RYR3: variants seen among roughly 807,000 people sequenced by gnomAD.
RYR3 encodes the protein brain ryanodine receptor-calcium release channel.
In RYR3, 207 loss-of-function variants were observed where a neutral mutation model predicts 584.3. The ratio of observed to expected loss-of-function variants is 0.35; its 90% CI spans 0.32 to 0.40. The LOEUF (loss-of-function observed/expected upper bound fraction) is 0.40. RYR3 is among the 10% of genes least tolerant of loss of function. RYR3 has a pLI of 1.00. For synonymous variants in RYR3, 2,416 were observed against 2,248.5 expected (o/e 1.07, Z -2.11); for missense variants, 5,616 against 6,089.2 (o/e 0.92, Z 2.59).
Position 33,473,406 on chromosome 15 carries a change from C to T in RYR3, c.52-13C>T. Reference sequence around the variant, plus strand: ...TCCCCTTACTCATGTTTGGGTCTCTCTTCTCCTGGCAGGAGGATGAAGTGG... The same window carrying T: ...TCCCCTTACTCATGTTTGGGTCTCTTTTCTCCTGGCAGGAGGATGAAGTGG... On this transcript the variant is annotated splice_polypyrimidine_tract_variant and intron_variant, in intron 1 of 103. Transcript: ENST00000634891. The T allele has an allele frequency of 6.2e-7, 1 of 1,613,404 alleles. No individual in the cohort carries two copies. The highest frequency in any genetic ancestry group is 8.5e-7 in the Non-Finnish European group (1 of 1,179,870).
chr15:33,416,374 T>C (rs370758825), intron 1 of RYR3, among the ~76,000 whole-genome samples: 1 of 152,242 alleles, frequency 6.6e-6, no homozygotes, highest in South Asian at 2.1e-4. Flanking sequence ...TGTTATTTTT[T>C]GACTTTTTAA....
rs16971229 is a variant in RYR3 at position 33,462,509 on chromosome 15, A to T, written c.52-10910A>T. ...CCCTCAGGATAAGTATTGTTAGAAG[A>T]TCTTGCTAAAAGTAGATGGGTTGTC... On this transcript the variant is annotated intron_variant, in intron 1 of 103. Coordinates refer to ENST00000634891, the MANE Select transcript of RYR3 (RefSeq NM_001036.6). 4.1e-3 allele frequency among the ~76,000 whole-genome samples: 619 copies of T among 152,332 alleles called. 3 individuals are homozygous for T. Among genetic ancestry groups the T allele is most frequent in the African/African-American group, 7.6e-3 (314 of 41,580 alleles).
intron 67 of RYR3, among the ~76,000 whole-genome samples, chr15:33,793,921 A>ACT (rs372169429): frequency 0.011 from 475 of 44,070 alleles, 5 homozygotes; most frequent in African/African-American, 0.019. Context: ...ACACACACAC[A>ACT]CTCTATATAT....
intron 55 of RYR3, among the ~76,000 whole-genome samples, 176 bp downstream of exon 55, chr15:33,748,706 A>G (rs941691976): frequency 5.9e-5 from 9 of 152,202 alleles, no homozygotes; most frequent in Non-Finnish European, 1.0e-4. Flanking sequence ...GAGTGAACCA[A>G]TCCTCCAAGG....
intron 18 of RYR3, among the ~76,000 whole-genome samples, chr15:33,607,363 C>T (rs959446835): frequency 1.3e-5 from 2 of 152,156 alleles, no homozygotes; most frequent in African/African-American, 4.8e-5. Flanking sequence ...ATGGCCTTTC[C>T]AAGCTTCCTG....
intron 7 of RYR3, among the ~76,000 whole-genome samples, chr15:33,542,847 G>T (rs749131893): frequency 9.2e-5 from 14 of 152,230 alleles, no homozygotes; most frequent in Non-Finnish European, 1.5e-4. Flanking sequence ...ATTTCTTGGA[G>T]CAAGGTAAAG....
At chr15:33,863,639 G>A (rs556134147) in intron 102 of RYR3, among the ~76,000 whole-genome samples, 1 of 152,196 alleles carries the variant, frequency 6.6e-6, no homozygotes, top group African/African-American at 2.4e-5. Context: ...TGGCATTCCC[G>A]CAGCTATTTA....
intron 60 of RYR3, among the ~76,000 whole-genome samples, chr15:33,759,532 G>T (rs1217493205): frequency 6.6e-6 from 1 of 152,176 alleles, no homozygotes; most frequent in Non-Finnish European, 1.5e-5. Flanking sequence ...CAATCTAGCG[G>T]AAGAAAGGAA....
chr15:33,822,490 C>T (rs1264266773), intron 80 of RYR3, among the ~76,000 whole-genome samples: 1 of 152,178 alleles, frequency 6.6e-6, no homozygotes, highest in Non-Finnish European at 1.5e-5. Context: ...TTTCTGTTCC[C>T]TTCTACCACC....
intron 81 of RYR3, among the ~76,000 whole-genome samples, chr15:33,824,109 T>G (rs2077252951): frequency 6.6e-6 from 1 of 152,184 alleles, no homozygotes; most frequent in African/African-American, 2.4e-5. Flanking sequence ...GCTAAAATAG[T>G]ACATATGAAC....
intron 1 of RYR3, among the ~76,000 whole-genome samples, chr15:33,466,340 A>C (rs1372801368): frequency 1.3e-5 from 2 of 152,236 alleles, no homozygotes; most frequent in Non-Finnish European, 1.5e-5. Context: ...AGCCAAATGA[A>C]GAAAGTATTT....
chr15:33,705,525 A>G (rs946782521), intron 42 of RYR3, among the ~76,000 whole-genome samples: 2 of 152,250 alleles, frequency 1.3e-5, no homozygotes, highest in Admixed American at 1.3e-4. Flanking sequence ...ATCAAAGGTG[A>G]AATTAGAATA....
At chr15:33,453,071 C>T (rs55865743) in intron 1 of RYR3, among the ~76,000 whole-genome samples, 1 of 151,772 alleles carries the variant, frequency 6.6e-6, no homozygotes, top group East Asian at 1.9e-4. Context: ...GGGTTTTTTT[C>T]CTTAGGGGCA....
chr15:33,863,197 C>T (rs1403138800), intron 102 of RYR3, among the ~76,000 whole-genome samples: 1 of 152,162 alleles, frequency 6.6e-6, no homozygotes, highest in African/African-American at 2.4e-5. Context: ...GTGTTTGAGC[C>T]TCCCACCTAA....
Position 33,517,168 on chromosome 15 carries a change from T to C in RYR3, c.280-13424T>C, listed in dbSNP as rs2053590336. ...TGCCACCACATCCAGCTAATTTTTG[T>C]ATTTTTAGTAGAGATGAGGTTTCAC... On this transcript the variant is annotated intron_variant, in intron 3 of 103. Coordinates refer to ENST00000634891, the MANE Select transcript of RYR3 (RefSeq NM_001036.6). Among the ~76,000 whole-genome samples, 7 of 152,286 alleles carry C rather than the reference T, an allele frequency of 4.6e-5. No homozygotes were observed. The South Asian group carries it at 1.5e-3, about 32-fold the overall frequency.
intron 49 of RYR3, among the ~76,000 whole-genome samples, chr15:33,736,618 A>G (rs866329759): frequency 1.1e-4 from 16 of 152,306 alleles, no homozygotes; most frequent in Middle Eastern, 3.4e-3. Context: ...TTAGGTTTTC[A>G]GATTGTGTTC....
Position 33,623,940 on chromosome 15 carries a change from G to T in RYR3, c.2491G>T (p.Ala831Ser). 6.2e-7 allele frequency: 1 copy of T among 1,613,984 alleles called. No individual in the cohort carries two copies. The highest frequency in any genetic ancestry group is 8.5e-7 in the Non-Finnish European group (1 of 1,179,862). The part of the protein sequence containing the change: ...LEPVKEYKRD[A>S]DGIRDLLGTT... Reference sequence around the variant, plus strand: ...GCCTGTCAAAGAATATAAACGTGATGCTGATGGCATTAGAGATCTCTTGGG... The same window carrying T: ...GCCTGTCAAAGAATATAAACGTGATTCTGATGGCATTAGAGATCTCTTGGG... Residue 831 changes from alanine to serine, a missense_variant, in exon 20 of 104, where the codon GCT becomes TCT. By Grantham distance (99) the Ala-to-Ser change is moderately conservative. Transcript: ENST00000634891.
rs183535427 is a variant in RYR3 at position 33,776,069 on chromosome 15, C to G, written c.9137+2454C>G. On this transcript the variant is annotated intron_variant, in intron 64 of 103. Coordinates refer to ENST00000634891, the MANE Select transcript of RYR3 (RefSeq NM_001036.6). ...ACAGAGGAAAGTACAATGAACCCAC[C>G]ATTTCTCTACCACCTTTTGCTGGCG... Among the ~76,000 whole-genome samples the G allele has an allele frequency of 2.5e-3, 384 of 152,288 alleles. 2 individuals carry two copies. The highest frequency in any genetic ancestry group is 8.9e-3 in the African/African-American group (368 of 41,562).
chr15:33,362,470 C>A (rs967431308), intron 1 of RYR3, among the ~76,000 whole-genome samples: 1 of 152,140 alleles, frequency 6.6e-6, no homozygotes, highest in Non-Finnish European at 1.5e-5. Context: ...ATCTCATCAC[C>A]ACCATTTCAT....
Sources: allele counts gnomAD v4.1 joint callset (sites outside exome capture counted in the v4.1 genomes callset), GRCh38; gene constraint gnomAD v4.1.1; transcripts MANE v1.5; gene names NCBI Gene and HGNC (gene_info 2026-07-23, HGNC 2026-07-21).